Variants in CHST9 observed in about 807,000 individuals in gnomAD.
CHST9 encodes the protein carbohydrate sulfotransferase 9.
CHST9 carries 41 observed loss-of-function variants against 44.4 expected under a neutral mutation model. The observed-to-expected ratio is 0.92, with a 90% CI of 0.72 to 1.20. The LOEUF is 1.20. Among genes scored for constraint, CHST9 ranks in the 50% most tolerant of loss-of-function variants. The pLI, the probability that CHST9 is intolerant of heterozygous loss-of-function variation, is 0.00. For missense variants in CHST9, 504 were observed against 516.5 expected (o/e 0.98, Z 0.23); for synonymous variants, 171 against 178.4 (o/e 0.96, Z 0.33).
chr18:27,161,208 G>GT (rs1418908132), intron 1 of CHST9, among the ~76,000 whole-genome samples: 1 of 152,132 alleles, frequency 6.6e-6, no homozygotes, highest in Non-Finnish European at 1.5e-5. Context: ...ATGTTAGGGT[G>GT]TCAATTTTAG....
intron 5 of CHST9, among the ~76,000 whole-genome samples, chr18:26,931,836 G>A (rs2055883227): frequency 6.6e-6 from 1 of 152,164 alleles, no homozygotes; most frequent in South Asian, 2.1e-4. Flanking sequence ...AGGTGGTTGA[G>A]ATCATATTTT....
At chr18:27,054,984 T>C (rs771213130) in intron 2 of CHST9, among the ~76,000 whole-genome samples, 7 of 152,162 alleles carry the variant, frequency 4.6e-5, no homozygotes, top group Non-Finnish European at 8.8e-5. Flanking sequence ...CATCTTTTTA[T>C]AATAAAGTCT....
intron 3 of CHST9, among the ~76,000 whole-genome samples, chr18:27,045,993 T>G (rs181111536): frequency 1.4e-4 from 21 of 152,194 alleles, no homozygotes; most frequent in Admixed American, 9.2e-4. Flanking sequence ...GAAAGCCACT[T>G]AAGTTTTGTT....
chr18:27,036,481 GGCACAGGT>G (rs1355984599), intron 3 of CHST9, among the ~76,000 whole-genome samples: 1 of 152,156 alleles, frequency 6.6e-6, no homozygotes, highest in Non-Finnish European at 1.5e-5. Context: ...GAAATACAGA[GGCACAGGT>G]GCTGTGTTTT....
At chr18:27,034,228 T>C (rs1941115) in intron 3 of CHST9, among the ~76,000 whole-genome samples, 96,797 of 152,022 alleles carry the variant, frequency 0.64, 31,161 homozygotes, top group East Asian at 0.73. Context: ...TCAGCTTAAA[T>C]CTGGAGTCAT....
At chr18:27,009,001 C>T (rs1462531770) in intron 4 of CHST9, among the ~76,000 whole-genome samples, 1 of 152,016 alleles carries the variant, frequency 6.6e-6, no homozygotes, top group Non-Finnish European at 1.5e-5. Flanking sequence ...CACTCTCGTC[C>T]TGTGCTCTTC....
intron 2 of CHST9, among the ~76,000 whole-genome samples, chr18:27,053,188 G>A (rs1349998806): frequency 1.4e-5 from 2 of 139,050 alleles, no homozygotes; most frequent in Non-Finnish European, 3.1e-5. Context: ...AGAAGAAGAA[G>A]AAGAAGAAAG....
chr18:27,042,696 G>A (rs1052570992), intron 3 of CHST9, among the ~76,000 whole-genome samples: 4 of 152,010 alleles, frequency 2.6e-5, no homozygotes, highest in South Asian at 2.1e-4. Flanking sequence ...GATACTGGGC[G>A]CAGAGCCTGA....
intron 3 of CHST9, among the ~76,000 whole-genome samples, chr18:27,041,270 TTTGTGTTTGTAATACCATA>T: frequency 6.6e-6 from 1 of 152,182 alleles, no homozygotes; most frequent in Non-Finnish European, 1.5e-5. Flanking sequence ...TTATTTGTGA[TTTGTGTTTGTAATACCATA>T]TTTAATTGAA....
intron 3 of CHST9, among the ~76,000 whole-genome samples, chr18:27,039,535 A>G (rs2057423280): frequency 6.6e-6 from 1 of 152,174 alleles, no homozygotes; most frequent in Non-Finnish European, 1.5e-5. Flanking sequence ...TTTAAGGAAT[A>G]CAGAGTTTCA....
rs545859570 is a variant in CHST9, at chr18:26,915,169, A to C, written c.*1090T>G. 2.6e-6 allele frequency: 1 copy of C among 390,018 alleles called. No individual in the cohort carries two copies. Among genetic ancestry groups the C allele is most frequent in the African/African-American group, 2.1e-5 (1 of 48,424 alleles). 24.2% of individuals were successfully genotyped at this position (390,018 alleles called of 1,614,324 possible). A position where few individuals can be genotyped will look rare whatever the true frequency, so the allele number is the denominator to read the frequency against. Reference sequence around the variant, plus strand: ...AGAAAATACCTTAATTTACTTATGCATAAGCCTATTAAACACATTTCTAGG... The same window carrying C: ...AGAAAATACCTTAATTTACTTATGCCTAAGCCTATTAAACACATTTCTAGG... On this transcript the variant is annotated 3_prime_UTR_variant, in exon 6 of 6. Coordinates refer to ENST00000618847, the MANE Select transcript of CHST9 (RefSeq NM_031422.6).
chr18:27,184,797 T>C (rs1313681125), intron 1 of CHST9, among the ~76,000 whole-genome samples: 1 of 152,008 alleles, frequency 6.6e-6, no homozygotes, highest in East Asian at 1.9e-4. Context: ...GAGTCCAGGG[T>C]GCCCCGCCGG....
chr18:26,925,635 T>G (rs947644994), intron 5 of CHST9, among the ~76,000 whole-genome samples: 1 of 152,374 alleles, frequency 6.6e-6, no homozygotes, highest in South Asian at 2.1e-4. Flanking sequence ...ATGTGTCTTC[T>G]TCTATCGTTT....
intron 4 of CHST9, among the ~76,000 whole-genome samples, chr18:26,985,533 A>G (rs1044348204): frequency 1.3e-5 from 2 of 152,194 alleles, no homozygotes; most frequent in Admixed American, 1.3e-4. Flanking sequence ...GAAAACTACA[A>G]TAGAGCCCAG....
intron 4 of CHST9, among the ~76,000 whole-genome samples, chr18:27,019,453 C>T (rs763290843): frequency 1.8e-4 from 27 of 151,952 alleles, no homozygotes; most frequent in Non-Finnish European, 4.4e-5. Flanking sequence ...GTTCAATGAC[C>T]CTAAGAAATG....
intron 5 of CHST9, among the ~76,000 whole-genome samples, chr18:26,927,410 A>T (rs1286056003): frequency 6.6e-6 from 1 of 152,120 alleles, no homozygotes; most frequent in Non-Finnish European, 1.5e-5. Context: ...ATCCGCGCTC[A>T]GCATATGGTC....
intron 4 of CHST9, among the ~76,000 whole-genome samples, chr18:26,977,884 C>G (rs570521846): frequency 1.3e-4 from 20 of 151,990 alleles, no homozygotes; most frequent in African/African-American, 4.8e-4. Context: ...GCCAAAGTCA[C>G]TAGGGCATGA....
intron 4 of CHST9, among the ~76,000 whole-genome samples, chr18:26,990,958 G>A (rs980628548): frequency 6.6e-6 from 1 of 152,182 alleles, no homozygotes; most frequent in African/African-American, 2.4e-5. Context: ...AGAAAAGGAA[G>A]GAAGAGAAGG....
At chr18:27,112,172 CAT>C (rs1285633470) in intron 2 of CHST9, among the ~76,000 whole-genome samples, 1 of 149,090 alleles carries the variant, frequency 6.7e-6, no homozygotes, top group Non-Finnish European at 1.5e-5. Flanking sequence ...TATATACCTA[CAT>C]GTATATATAT....
Sources: allele counts gnomAD v4.1 joint callset (sites outside exome capture counted in the v4.1 genomes callset), GRCh38; gene constraint gnomAD v4.1.1; transcripts MANE v1.5; gene names NCBI Gene and HGNC (gene_info 2026-07-23, HGNC 2026-07-21).